REXO5: variants seen among roughly 807,000 people sequenced by gnomAD.
The protein encoded by REXO5 is RNA exonuclease 5.
Under a neutral mutation model 88.5 loss-of-function variants are expected in REXO5, and 48 were observed. The observed-to-expected ratio is 0.54, with a 90% CI of 0.43 to 0.69. The LOEUF (loss-of-function observed/expected upper bound fraction) is 0.69. Ranked by LOEUF, REXO5 falls within the 30% of genes least tolerant of loss-of-function variation. The probability of loss-of-function intolerance (pLI) is 0.00; values close to 1 mark genes in which losing one functional copy is unlikely to be tolerated. For missense variants in REXO5, 749 were observed against 912.2 expected (o/e 0.82, Z 2.30); for synonymous variants, 311 against 336.5 (o/e 0.92, Z 0.83).
intron 11 of REXO5, among the ~76,000 whole-genome samples, chr16:20,829,557 G>A (rs1412161069): frequency 6.6e-6 from 1 of 152,100 alleles, no homozygotes; most frequent in African/African-American, 2.4e-5. Context: ...GTAACAGCCA[G>A]AATAGTCTTT....
chr16:20,820,536 ATATATATATTTTTTTTTTTTTTTTTTT>A (rs1567389377), intron 5 of REXO5, among the ~76,000 whole-genome samples: 2 of 12,654 alleles, frequency 1.6e-4, no homozygotes, highest in African/African-American at 6.4e-4. Flanking sequence ...ATATATATAT[ATATATATATTTTTTTTTTTTTTTTTTT>A]TTTTTTTTTT....
intron 8 of REXO5, 72 bp downstream of exon 8, chr16:20,826,020 C>A: frequency 1.0e-6 from 1 of 954,416 alleles, no homozygotes; most frequent in Non-Finnish European, 1.6e-6. Flanking sequence ...AAGAATGGCC[C>A]ACAGCTTCAG....
At chr16:20,826,995 A>G in intron 8 of REXO5, 63 bp from the exon 9 acceptor site, 3 of 1,532,320 alleles carry the variant, frequency 2.0e-6, no homozygotes, top group Non-Finnish European at 2.7e-6. Flanking sequence ...TTTTAAAATC[A>G]CTTTCCAGAG....
At position 20,846,254 on chromosome 16, in the gene REXO5, T is replaced by C; in HGVS notation, c.2158T>C (p.Trp720Arg). The part of the protein sequence containing the change: ...LKLDHPKIAA[W>R]RWSRKIGKLY... ...ACTGGACCACCCGAAGATAGCAGCC[T>C]GGCGCTGGAGCCGGAAGATTGGAAA... Residue 720 changes from tryptophan (W) to arginine (R), a missense_variant, in exon 19 of 20, where the codon TGG becomes CGG. Trp to Arg is a moderately radical substitution (Grantham distance 101). Transcript: ENST00000261377. The C allele has an allele frequency of 6.2e-7, 1 of 1,614,024 alleles. No individual in the cohort carries two copies. Among genetic ancestry groups the C allele is most frequent in the Non-Finnish European group, 8.5e-7 (1 of 1,179,926 alleles).
In REXO5 at chr16:20,825,818, A is replaced by C. The variant is rs748716751; in HGVS notation, c.706-15A>C. ...TTCCACAGTTCAGCAGCCTGACTAC[A>C]TGTTGGTCTTTCAGTGCCTCACATC... is the stretch of plus-strand genomic sequence containing the variant. On this transcript the variant is annotated splice_polypyrimidine_tract_variant and intron_variant, in intron 7 of 19. Transcript: ENST00000261377. 2 of 1,574,752 alleles carry C rather than the reference A, an allele frequency of 1.3e-6. No individual in the cohort carries two copies. The highest frequency in any genetic ancestry group is 1.7e-6 in the Non-Finnish European group (2 of 1,144,668).
rs545393493 is a variant in REXO5 at position 20,815,037 on chromosome 16, G to A, written c.362G>A (p.Arg121Gln). 3.0e-5 allele frequency: 49 copies of A among 1,612,484 alleles called. No homozygotes were observed. In the Admixed American group the frequency reaches 5.3e-4, roughly 18 times the overall value. Residue 121 changes from arginine (R) to glutamine (Q), a missense_variant, in exon 4 of 20, where the codon CGA (arginine) becomes CAA (glutamine). By Grantham distance (43) the Arg-to-Gln change is conservative (BLOSUM62 1). Transcript: ENST00000261377. ...YRFYLEFGCL[R>Q]KAFRHKFRLP... is the part of the protein sequence containing the mutation. Reference sequence around the variant, plus strand: ...TTCTATTTGGAGTTTGGATGTCTTCGAAAAGCATTCAGACATGTAAGTTAA... The same window carrying A: ...TTCTATTTGGAGTTTGGATGTCTTCAAAAAGCATTCAGACATGTAAGTTAA...
chr16:20,806,854 A>G, intron 1 of REXO5, 98 bp from the exon 2 acceptor site: 1 of 1,463,036 alleles, frequency 6.8e-7, no homozygotes, highest in Non-Finnish European at 9.1e-7. Flanking sequence ...AGGGAGGTTG[A>G]AAGCTGTCAA....
chr16:20,810,419 T>C (rs1413544887), intron 2 of REXO5, among the ~76,000 whole-genome samples: 2 of 152,056 alleles, frequency 1.3e-5, no homozygotes, highest in Non-Finnish European at 2.9e-5. Context: ...TTTTTTTTTT[T>C]CTTTTGAGAC....
chr16:20,819,461 T>G (rs1481650571), intron 5 of REXO5, among the ~76,000 whole-genome samples: 1 of 148,934 alleles, frequency 6.7e-6, no homozygotes, highest in Non-Finnish European at 1.5e-5. Flanking sequence ...TTTTTTTTTT[T>G]TTTTTAAATT....
intron 5 of REXO5, among the ~76,000 whole-genome samples, chr16:20,819,302 G>C (rs112014291): frequency 0.013 from 1,962 of 152,182 alleles, 47 homozygotes; most frequent in African/African-American, 0.045. Context: ...GCCCCTAGCA[G>C]ATGCTCATAA....
In REXO5 at chr16:20,832,238, T is replaced by C. The variant is rs2081356532; in HGVS notation, c.1241T>C (p.Val414Ala). 3 of 1,610,268 alleles carry C rather than the reference T, an allele frequency of 1.9e-6. No homozygotes were observed. Among genetic ancestry groups the C allele is most frequent in the Non-Finnish European group, 2.5e-6 (3 of 1,177,624 alleles). The change falls in exon 12 of 20, where the codon GTA (valine) becomes GCA (alanine). Residue 414 changes from valine (V) to alanine (A), a missense_variant. Coordinates refer to ENST00000261377, the MANE Select transcript of REXO5 (RefSeq NM_030941.3). ...AGQEPKNTAE[V>A]LQHPNTSVLE... ...CAAGAGCCTAAAAACACAGCAGAAG[T>C]ACTTCAGCACCCAAACACAAGGTAA...
intron 2 of REXO5, among the ~76,000 whole-genome samples, chr16:20,811,058 T>TGACG (rs2080990476): frequency 6.6e-6 from 1 of 152,140 alleles, no homozygotes; most frequent in Non-Finnish European, 1.5e-5. Flanking sequence ...CCTGTATGGG[T>TGACG]GACGTCCTTG....
At chr16:20,831,449 T>G (rs2081343620) in intron 11 of REXO5, among the ~76,000 whole-genome samples, 1 of 152,122 alleles carries the variant, frequency 6.6e-6, no homozygotes, top group Admixed American at 6.5e-5. Context: ...TGGGCTTAAT[T>G]AATAATAATG....
At chr16:20,821,975 G>A in intron 6 of REXO5, 73 bp downstream of exon 6, 2 of 1,393,502 alleles carry the variant, frequency 1.4e-6, no homozygotes, top group Non-Finnish European at 9.5e-7. Context: ...ACTACTGTTT[G>A]AGATTCATTT....
chr16:20,817,582 C>T (rs2081100294), intron 5 of REXO5, among the ~76,000 whole-genome samples: 1 of 152,120 alleles, frequency 6.6e-6, no homozygotes, highest in African/African-American at 2.4e-5. Context: ...GAGAGACAAC[C>T]TACAGGCTTT....
At chr16:20,849,075 A>G (rs1422602953) in intron 19 of REXO5, among the ~76,000 whole-genome samples, 2 of 152,392 alleles carry the variant, frequency 1.3e-5, no homozygotes, top group Middle Eastern at 3.4e-3. Context: ...AACTCTTGGC[A>G]TGTAGTAAGT....
At chr16:20,841,469 A>T (rs2081526906) in intron 15 of REXO5, among the ~76,000 whole-genome samples, 1 of 152,178 alleles carries the variant, frequency 6.6e-6, no homozygotes, top group South Asian at 2.1e-4. Context: ...CTGTAAATAT[A>T]TTGTTCCTTT....
In REXO5 at chr16:20,810,330, A is replaced by C. The variant is rs376623356; in HGVS notation, c.139-2860A>C. Among the ~76,000 whole-genome samples, 139 of 152,330 alleles carry C rather than the reference A, an allele frequency of 9.1e-4. 4 individuals carry two copies. In the South Asian group the frequency reaches 0.028, roughly 31 times the overall value. ...TTAAATATTTTTCTGTATTTTACTT[A>C]TGTGAATTCACATCAGTATCTCCAC... On this transcript the variant is annotated intron_variant, in intron 2 of 19. Coordinates refer to ENST00000261377, the MANE Select transcript of REXO5 (RefSeq NM_030941.3).
chr16:20,844,138 T>C, intron 16 of REXO5, 112 bp downstream of exon 16: 1 of 665,458 alleles, frequency 1.5e-6, no homozygotes. Flanking sequence ...GCACAAGACT[T>C]TGTTATGGAA....
Sources: gnomAD v4.1 joint callset for allele counts (sites outside exome capture counted in the v4.1 genomes callset) on GRCh38, gnomAD v4.1.1 for gene constraint, MANE v1.5 for transcripts, NCBI Gene and HGNC (gene_info 2026-07-23, HGNC 2026-07-21) for gene names.